Variants in ATP8A2 observed in about 807,000 individuals in gnomAD.
ATP8A2 encodes phospholipid-transporting ATPase IB.
In ATP8A2, 100 loss-of-function variants were observed where a neutral mutation model predicts 165.6. That is an observed-to-expected ratio of 0.60 (90% CI 0.51 to 0.71). The LOEUF (loss-of-function observed/expected upper bound fraction) is 0.71. Among genes scored for constraint, ATP8A2 ranks in the 30% least tolerant of loss-of-function variants. ATP8A2 has a pLI of 0.00. For missense variants in ATP8A2, 1,227 were observed against 1,479.5 expected, an observed-to-expected ratio of 0.83 and a Z score of 2.80; for synonymous variants, 543 against 548.8, an observed-to-expected ratio of 0.99 and a Z score of 0.15.
rs3056351 is a variant in ATP8A2 at position 25,990,261 on chromosome 13, T to TAAAA, written c.3377+21600_3377+21603dup. Among the ~76,000 whole-genome samples the TAAAA allele has an allele frequency of 1.3e-3, 136 of 108,294 alleles. 1 individual carries two copies. Among genetic ancestry groups the TAAAA allele is most frequent in the Middle Eastern group, 5.3e-3 (1 of 190 alleles). The allele number at this position is 108,294 out of a possible 152,430, so 71.0% of individuals were successfully genotyped here. A position where few individuals can be genotyped will look rare whatever the true frequency, so the allele number is the denominator to read the frequency against. On this transcript the variant is annotated intron_variant, in intron 35 of 36. Coordinates refer to ENST00000381655, the MANE Select transcript of ATP8A2 (RefSeq NM_016529.6). Reference sequence around the variant, plus strand: ...GTTTTGGGTGCCAAGCATGTAACTGTAAAAAAAAAAAAAAAAAAAAAGCAA... The same window carrying TAAAA: ...GTTTTGGGTGCCAAGCATGTAACTGTAAAAAAAAAAAAAAAAAAAAAAAAAGCAA...
chr13:25,591,609 G>C (rs568501173), intron 24 of ATP8A2, among the ~76,000 whole-genome samples: 1 of 135,522 alleles, frequency 7.4e-6, no homozygotes, highest in Non-Finnish European at 1.5e-5. Flanking sequence ...TTTTTGAGAC[G>C]AAGTCTCACT....
chr13:25,833,073 C>CTT (rs34536382), intron 28 of ATP8A2, among the ~76,000 whole-genome samples: 40 of 148,918 alleles, frequency 2.7e-4, no homozygotes, highest in African/African-American at 7.1e-4. Context: ...CAATAAACAG[C>CTT]TTTTTTTTTT....
intron 27 of ATP8A2, among the ~76,000 whole-genome samples, chr13:25,776,426 AT>A (rs1313992496): frequency 9.2e-5 from 14 of 152,312 alleles, no homozygotes; most frequent in Admixed American, 1.3e-4. Context: ...TGGTGATATA[AT>A]TGACGTTTTA....
chr13:25,542,329 G>A (rs1434010461), intron 9 of ATP8A2, among the ~76,000 whole-genome samples: 1 of 151,466 alleles, frequency 6.6e-6, no homozygotes, highest in African/African-American at 2.4e-5. Flanking sequence ...GCAGAGGAGA[G>A]TTATCTGAGG....
At position 25,699,298 on chromosome 13, in the gene ATP8A2, G is replaced by C. The variant is rs772570008; in HGVS notation, c.2337G>C (p.Arg779Ser). 1 of 1,613,698 alleles carries C rather than the reference G, an allele frequency of 6.2e-7. No individual in the cohort carries two copies. Among genetic ancestry groups the C allele is most frequent in the Non-Finnish European group, 8.5e-7 (1 of 1,179,790 alleles). ...LKYALSFEVR[R>S]SFLDLALSCK... ...ACGCGCTCTCCTTCGAAGTCCGGAGGAGTTTCCTGGATTTGGCACTCTCGT... is the reference window on the plus strand; with the variant it reads ...ACGCGCTCTCCTTCGAAGTCCGGAGCAGTTTCCTGGATTTGGCACTCTCGT... Residue 779 changes from arginine (R) to serine (S), a missense_variant, in exon 25 of 37, where the codon AGG becomes AGC. Coordinates refer to ENST00000381655, the MANE Select transcript of ATP8A2 (RefSeq NM_016529.6).
chr13:25,946,133 G>C (rs750655835), intron 33 of ATP8A2, among the ~76,000 whole-genome samples: 2 of 152,034 alleles, frequency 1.3e-5, no homozygotes, highest in Non-Finnish European at 2.9e-5. Context: ...GCAGTCTAAG[G>C]CTCAGAGGCA....
At chr13:25,450,504 A>T (rs1593323396) in intron 1 of ATP8A2, among the ~76,000 whole-genome samples, 1 of 151,052 alleles carries the variant, frequency 6.6e-6, no homozygotes, top group Non-Finnish European at 1.5e-5. Flanking sequence ...TTTACTTTTT[A>T]CCAAGAGCCA....
chr13:25,796,049 A>G (rs1417288286), intron 27 of ATP8A2, among the ~76,000 whole-genome samples: 1 of 151,984 alleles, frequency 6.6e-6, no homozygotes, highest in Non-Finnish European at 1.5e-5. Flanking sequence ...TCCCAGGTTC[A>G]AGCAATTCTC....
At chr13:25,585,464 G>A (rs2039895516) in intron 23 of ATP8A2, among the ~76,000 whole-genome samples, 1 of 151,996 alleles carries the variant, frequency 6.6e-6, no homozygotes. Context: ...TAATTAAGTT[G>A]GCATTAGCTT....
chr13:25,695,358 A>C (rs2042813360), intron 24 of ATP8A2, among the ~76,000 whole-genome samples: 1 of 152,184 alleles, frequency 6.6e-6, no homozygotes, highest in Admixed American at 6.5e-5. Context: ...CTGGCTGATC[A>C]AGGTGGTGGT....
chr13:25,932,373 G>T (rs371385733), intron 33 of ATP8A2, among the ~76,000 whole-genome samples: 3 of 152,164 alleles, frequency 2.0e-5, no homozygotes, highest in East Asian at 3.9e-4. Context: ...CCGCAAGAAA[G>T]AACCCTTTTC....
Position 25,372,857 on chromosome 13 carries a change from G to A in ATP8A2, c.76+569G>A, listed in dbSNP as rs2032472626. On this transcript the variant is annotated intron_variant, in intron 1 of 36. Transcript: ENST00000381655. The surrounding 1 kb of genome is among the most constrained non-coding windows in gnomAD (Gnocchi z 4.8). ...TCCGTGCATACAACCATCTGGAGAC[G>A]AACACACACACGCACACGCGCGCGC... Among the ~76,000 whole-genome samples, 2 of 152,076 alleles carry A rather than the reference G, an allele frequency of 1.3e-5. No individual in the cohort carries two copies. The highest frequency in any genetic ancestry group is 2.1e-4 in the South Asian group (1 of 4,828).
chr13:25,919,452 G>T (rs1954374755), intron 33 of ATP8A2, among the ~76,000 whole-genome samples: 1 of 152,158 alleles, frequency 6.6e-6, no homozygotes, highest in Non-Finnish European at 1.5e-5. Context: ...GGATGTGAAA[G>T]AATGTATATC....
At chr13:25,756,327 C>CTTT (rs11379467) in intron 25 of ATP8A2, among the ~76,000 whole-genome samples, 19 of 137,158 alleles carry the variant, frequency 1.4e-4, no homozygotes, top group Admixed American at 5.2e-4. Context: ...CTGTTGGATT[C>CTTT]TTTTTTTTTT....
At chr13:25,399,366 A>G (rs964604573) in intron 1 of ATP8A2, among the ~76,000 whole-genome samples, 1 of 144,096 alleles carries the variant, frequency 6.9e-6, no homozygotes, top group Non-Finnish European at 1.5e-5. Context: ...TCACTGGTGT[A>G]TAGTAAGATC....
At chr13:26,016,641 C>T (rs138727297) in intron 36 of ATP8A2, among the ~76,000 whole-genome samples, 1 of 152,300 alleles carries the variant, frequency 6.6e-6, no homozygotes, top group Non-Finnish European at 1.5e-5. Flanking sequence ...TTTTATGTCT[C>T]CATGAGTTCC....
At chr13:25,772,763 A>T (rs1214653783) in intron 26 of ATP8A2, among the ~76,000 whole-genome samples, 2 of 148,768 alleles carry the variant, frequency 1.3e-5, no homozygotes, top group Non-Finnish European at 3.0e-5. Context: ...TTTATTTATT[A>T]TTTTTTTTAT....
intron 24 of ATP8A2, among the ~76,000 whole-genome samples, chr13:25,669,771 G>A (rs887544714): frequency 2.0e-5 from 3 of 152,186 alleles, no homozygotes; most frequent in Admixed American, 2.0e-4. Context: ...CATTGTCCGA[G>A]GCATAGGTAG....
intron 24 of ATP8A2, among the ~76,000 whole-genome samples, chr13:25,632,946 A>G (rs1333437375): frequency 6.6e-6 from 1 of 152,172 alleles, no homozygotes; most frequent in East Asian, 1.9e-4. Flanking sequence ...TTTGCCACCA[A>G]TAGTTTGGCT....
Sources: allele counts gnomAD v4.1 joint callset (sites outside exome capture counted in the v4.1 genomes callset), GRCh38; gene constraint gnomAD v4.1.1; non-coding constraint Gnocchi (gnomAD v3.1); transcripts MANE v1.5; gene names NCBI Gene and HGNC (gene_info 2026-07-23, HGNC 2026-07-21).